Variants in NRG3 observed in about 807,000 individuals in gnomAD.
The protein encoded by NRG3 is pro-neuregulin-3, membrane-bound isoform.
NRG3 carries 31 observed loss-of-function variants against 66.9 expected under a neutral mutation model. The observed-to-expected ratio is 0.46, with a 90% CI of 0.35 to 0.63. The LOEUF (loss-of-function observed/expected upper bound fraction) is 0.63. Among genes scored for constraint, NRG3 ranks in the 20% least tolerant of loss-of-function variants. NRG3 has a pLI of 0.00. For missense variants in NRG3, 910 were observed against 878.9 expected (o/e 1.04, Z -0.45); for synonymous variants, 393 against 359.4 (o/e 1.09, Z -1.06).
intron 3 of NRG3, among the ~76,000 whole-genome samples, chr10:82,758,832 T>G (rs984212240): frequency 2.0e-5 from 3 of 151,086 alleles, no homozygotes; most frequent in Non-Finnish European, 2.9e-5. Flanking sequence ...TATAAAATAA[T>G]AAGCAGGTAA....
intron 1 of NRG3, among the ~76,000 whole-genome samples, chr10:82,043,016 T>C (rs567486570): frequency 6.6e-6 from 1 of 152,148 alleles, no homozygotes; most frequent in South Asian, 2.1e-4. Context: ...TCATTAGATA[T>C]GTAGACAGTT....
chr10:82,967,264 T>C (rs1851300203), intron 6 of NRG3, among the ~76,000 whole-genome samples: 1 of 151,668 alleles, frequency 6.6e-6, no homozygotes. Flanking sequence ...GACTAACACA[T>C]ATCTAAATTT....
chr10:82,156,525 T>C (rs2132872916), intron 1 of NRG3, among the ~76,000 whole-genome samples: 1 of 151,824 alleles, frequency 6.6e-6, no homozygotes, highest in East Asian at 1.9e-4. Context: ...TCACCTCCTA[T>C]TATTAGTGCC....
chr10:82,647,530 T>C (rs904484558), intron 2 of NRG3, among the ~76,000 whole-genome samples: 7 of 152,230 alleles, frequency 4.6e-5, no homozygotes, highest in Non-Finnish European at 1.0e-4. Context: ...AGTAATGGGA[T>C]GGCTGGGCCA....
At chr10:82,976,330 A>G (rs552386239) in intron 7 of NRG3, among the ~76,000 whole-genome samples, 28 of 152,226 alleles carry the variant, frequency 1.8e-4, no homozygotes, top group Admixed American at 7.9e-4. Flanking sequence ...TGCTGGGATT[A>G]CAGGTGTGAG....
At chr10:81,999,946 G>A (rs1039990880) in intron 1 of NRG3, among the ~76,000 whole-genome samples, 3 of 152,170 alleles carry the variant, frequency 2.0e-5, no homozygotes, top group African/African-American at 4.8e-5. Context: ...TGTCTGGACA[G>A]TATTAACTTC....
chr10:82,207,769 A>G (rs1041110633), intron 1 of NRG3, among the ~76,000 whole-genome samples: 7 of 152,138 alleles, frequency 4.6e-5, no homozygotes, highest in African/African-American at 1.7e-4. Context: ...TGAAGGGGGA[A>G]GAGCCCCTTA....
At chr10:81,903,734 G>C (rs577473674) in intron 1 of NRG3, among the ~76,000 whole-genome samples, 1 of 152,304 alleles carries the variant, frequency 6.6e-6, no homozygotes, top group African/African-American at 2.4e-5. Context: ...ACAAATTGCT[G>C]TTGTTTCAGG....
intron 2 of NRG3, among the ~76,000 whole-genome samples, chr10:82,376,244 A>G (rs1183823147): frequency 6.6e-6 from 1 of 152,190 alleles, no homozygotes; most frequent in African/African-American, 2.4e-5. Flanking sequence ...CAGATTCAAC[A>G]TTCAGATAGC....
intron 3 of NRG3, among the ~76,000 whole-genome samples, chr10:82,842,194 T>A (rs1242989082): frequency 6.6e-6 from 1 of 152,094 alleles, no homozygotes; most frequent in African/African-American, 2.4e-5. Context: ...GATGTTGCAG[T>A]GGGCTGAGAT....
Position 82,955,435 on chromosome 10 carries a change from T to C in NRG3, c.1158-3514T>C, listed in dbSNP as rs76674746. On this transcript the variant is annotated intron_variant, in intron 5 of 8. Coordinates refer to ENST00000372141, the MANE Select transcript of NRG3 (RefSeq NM_001010848.4). ...TGGCCAGTGTGGCTCACGCAATGACTGTAAATTATTCAAGTTTTTCTCTTT... is the reference window on the plus strand; with the variant it reads ...TGGCCAGTGTGGCTCACGCAATGACCGTAAATTATTCAAGTTTTTCTCTTT... Among the ~76,000 whole-genome samples the C allele has an allele frequency of 9.1e-4, 139 of 152,090 alleles. 1 individual carries two copies. In the East Asian group the frequency reaches 0.026, roughly 28 times the overall value.
intron 3 of NRG3, among the ~76,000 whole-genome samples, chr10:82,829,624 T>C (rs1243819533): frequency 1.3e-5 from 2 of 152,072 alleles, no homozygotes; most frequent in African/African-American, 2.4e-5. Flanking sequence ...TCTGAGAAGA[T>C]GAGAAACAGC....
chr10:81,883,603 C>G (rs1034659175), intron 1 of NRG3, among the ~76,000 whole-genome samples: 12 of 152,114 alleles, frequency 7.9e-5, no homozygotes, highest in African/African-American at 2.9e-4. Context: ...TCAGCTGAAT[C>G]CATGCAACTA....
At chr10:82,572,827 G>A (rs1351378242) in intron 2 of NRG3, among the ~76,000 whole-genome samples, 1 of 151,706 alleles carries the variant, frequency 6.6e-6, no homozygotes, top group Non-Finnish European at 1.5e-5. Flanking sequence ...AATAAAGAGA[G>A]AACATTTTGC....
intron 4 of NRG3, among the ~76,000 whole-genome samples, chr10:82,876,896 G>T (rs1339455679): frequency 2.0e-5 from 3 of 151,902 alleles, no homozygotes; most frequent in African/African-American, 7.3e-5. Context: ...GGTGGTGCAT[G>T]CCTGTAATCC....
intron 1 of NRG3, among the ~76,000 whole-genome samples, chr10:81,888,191 C>A (rs1018465553): frequency 3.3e-5 from 5 of 152,088 alleles, no homozygotes; most frequent in Admixed American, 3.3e-4. Flanking sequence ...TTCTCAGGAT[C>A]CCCTCTTAGT....
rs1412071733 is a variant in NRG3 at position 82,358,814 on chromosome 10, A to G, written c.899A>G (p.Asn300Ser). ...GACAAGGACCTTGCATACTGTCTCA[A>G]TGATGGCGAGTGCTTTGTGATCGAA... ...CRDKDLAYCL[N>S]DGECFVIETL... The change falls in exon 2 of 9, where the codon AAT (asparagine) becomes AGT (serine). Residue 300 changes from asparagine to serine, a missense_variant. Asn to Ser is a conservative substitution (Grantham distance 46, BLOSUM62 1). Transcript: ENST00000372141. 1 of 1,614,212 alleles carries G rather than the reference A, an allele frequency of 6.2e-7. No individual in the cohort carries two copies. Among genetic ancestry groups the G allele is most frequent in the Admixed American group, 1.7e-5 (1 of 60,024 alleles).
chr10:82,112,710 A>G (rs894258015), intron 1 of NRG3, among the ~76,000 whole-genome samples: 5 of 152,168 alleles, frequency 3.3e-5, no homozygotes, highest in African/African-American at 1.2e-4. Context: ...AGGTCACCCT[A>G]TGGTTTATAA....
intron 4 of NRG3, among the ~76,000 whole-genome samples, chr10:82,942,297 A>G (rs1848645719): frequency 6.6e-6 from 1 of 152,176 alleles, no homozygotes. Context: ...AACAAGAACT[A>G]TGACTGTGAT....
Sources: allele counts gnomAD v4.1 joint callset (sites outside exome capture counted in the v4.1 genomes callset), GRCh38; gene constraint gnomAD v4.1.1; transcripts MANE v1.5; gene names NCBI Gene and HGNC (gene_info 2026-07-23, HGNC 2026-07-21).